Variants in SBF2 observed in about 807,000 individuals in gnomAD.
SBF2 encodes the protein SET binding factor 2, also known as myotubularin-related protein 13.
A neutral mutation model predicts 225.2 loss-of-function variants in SBF2; 112 were observed. The observed-to-expected ratio is 0.50, with a 90% CI of 0.43 to 0.58. The LOEUF is 0.58. SBF2 is among the 20% of genes least tolerant of loss of function. The pLI, the probability that SBF2 is intolerant of heterozygous loss-of-function variation, is 0.00. For synonymous variants in SBF2, 763 were observed against 773.3 expected, an observed-to-expected ratio of 0.99 and a Z score of 0.22; for missense variants, 1,996 against 2,206.2, an observed-to-expected ratio of 0.90 and a Z score of 1.91.
chr11:9,989,052 A>ATATATATATATATATATATATATG (rs1347138364), intron 13 of SBF2, among the ~76,000 whole-genome samples: 27 of 151,644 alleles, frequency 1.8e-4, no homozygotes, highest in African/African-American at 6.3e-4. Context: ...ATATATATAT[A>ATATATATATATATATATATATATG]TATACATATG....
chr11:9,944,809 C>A (rs1268919887), intron 16 of SBF2, among the ~76,000 whole-genome samples: 1 of 152,022 alleles, frequency 6.6e-6, no homozygotes, highest in Non-Finnish European at 1.5e-5. Context: ...AAAAATGACC[C>A]TAGAATTCAT....
At chr11:10,055,575 T>G in intron 2 of SBF2, among the ~76,000 whole-genome samples, 1 of 138,118 alleles carries the variant, frequency 7.2e-6, no homozygotes, top group African/African-American at 2.7e-5. Flanking sequence ...ACACACACCA[T>G]GGAATACTAC....
At chr11:9,877,391 A>G (rs543589672) in intron 17 of SBF2, among the ~76,000 whole-genome samples, 1 of 152,314 alleles carries the variant, frequency 6.6e-6, no homozygotes, top group East Asian at 1.9e-4. Context: ...CATTAATTAA[A>G]CCTAAATAAT....
chr11:10,237,789 A>G (rs1369360157), intron 1 of SBF2, among the ~76,000 whole-genome samples: 1 of 152,188 alleles, frequency 6.6e-6, no homozygotes, highest in African/African-American at 2.4e-5. Flanking sequence ...AGTACTCCAC[A>G]TTCCTAAACC....
intron 2 of SBF2, among the ~76,000 whole-genome samples, chr11:10,191,744 T>C (rs1462668264): frequency 6.6e-6 from 1 of 152,198 alleles, no homozygotes. Context: ...CACTTGAACA[T>C]GGCAGTGTCT....
At chr11:10,215,284 T>C (rs759129600) in intron 1 of SBF2, among the ~76,000 whole-genome samples, 2 of 152,182 alleles carry the variant, frequency 1.3e-5, no homozygotes, top group African/African-American at 2.4e-5. Context: ...AGAAGACTAT[T>C]AGGCACTCTC....
At chr11:10,255,575 C>G (rs1960797031) in intron 1 of SBF2, among the ~76,000 whole-genome samples, 1 of 152,200 alleles carries the variant, frequency 6.6e-6, no homozygotes, top group African/African-American at 2.4e-5. Context: ...TAGAGCAACA[C>G]TGAACACTAT....
chr11:10,227,578 A>C (rs1177277713), intron 1 of SBF2, among the ~76,000 whole-genome samples: 5 of 152,226 alleles, frequency 3.3e-5, no homozygotes, highest in Non-Finnish European at 5.9e-5. Flanking sequence ...TTAAATAGGG[A>C]ATCTGTTCCC....
Position 10,052,054 on chromosome 11 carries a change from G to A in SBF2, c.142-9073C>T, listed in dbSNP as rs369739476. Among the ~76,000 whole-genome samples, 14 of 152,152 alleles carry A rather than the reference G, an allele frequency of 9.2e-5. 1 individual carries two copies. The highest frequency in any genetic ancestry group is 3.4e-4 in the African/African-American group (14 of 41,522). On this transcript the variant is annotated intron_variant, in intron 2 of 39. Transcript: ENST00000256190. ...GGAATGTGAGGAAAATGTTTAGACA[G>A]CTGGAGAGTAGTCACTAAAAGATAG... is the stretch of plus-strand genomic sequence containing the variant.
chr11:10,239,387 G>C (rs1565390041), intron 1 of SBF2, among the ~76,000 whole-genome samples: 1 of 150,526 alleles, frequency 6.6e-6, no homozygotes. Flanking sequence ...TAATCCATGG[G>C]TTAAAAACTA....
At chr11:10,225,620 G>GA (rs927075252) in intron 1 of SBF2, among the ~76,000 whole-genome samples, 2 of 152,000 alleles carry the variant, frequency 1.3e-5, no homozygotes, top group African/African-American at 4.8e-5. Context: ...TTTTCAAAAA[G>GA]AAAAAAGTGC....
At chr11:10,277,936 G>A (rs536641412) in intron 1 of SBF2, among the ~76,000 whole-genome samples, 1 of 152,268 alleles carries the variant, frequency 6.6e-6, no homozygotes, top group Admixed American at 6.5e-5. Context: ...TTTAAATCAC[G>A]AGTTTGTAGT....
intron 2 of SBF2, among the ~76,000 whole-genome samples, chr11:10,051,574 T>G (rs994362729): frequency 7.9e-5 from 12 of 152,136 alleles, no homozygotes; most frequent in Admixed American, 3.3e-4. Context: ...GTTAAGATAG[T>G]TAACTAGACA....
intron 2 of SBF2, among the ~76,000 whole-genome samples, chr11:10,057,392 C>T (rs1463288949): frequency 2.6e-5 from 4 of 152,192 alleles, no homozygotes; most frequent in Admixed American, 2.6e-4. Flanking sequence ...CCCTAAGTAC[C>T]TTATCCACAC....
chr11:10,293,895 C>A, intron 1 of SBF2, 120 bp downstream of exon 1: 1 of 702,698 alleles, frequency 1.4e-6, no homozygotes, highest in Non-Finnish European at 2.0e-6. Flanking sequence ...ACCGCCCGCT[C>A]CTCCGAGACT....
At chr11:10,112,873 T>A (rs1054764160) in intron 2 of SBF2, among the ~76,000 whole-genome samples, 1 of 152,228 alleles carries the variant, frequency 6.6e-6, no homozygotes, top group African/African-American at 2.4e-5. Context: ...GCATTACATA[T>A]GTGTACTTAT....
intron 1 of SBF2, among the ~76,000 whole-genome samples, chr11:10,266,775 C>T (rs1202044327): frequency 6.6e-6 from 1 of 152,100 alleles, no homozygotes; most frequent in Non-Finnish European, 1.5e-5. Context: ...CCAAAGGAAA[C>T]GTAGTTGATT....
Position 9,832,091 on chromosome 11 carries a change from T to C in SBF2, c.3652+133A>G, listed in dbSNP as rs975381030. On this transcript the variant is annotated intron_variant, in intron 27 of 39. Coordinates refer to ENST00000256190, the MANE Select transcript of SBF2 (RefSeq NM_030962.4). Reference sequence around the variant, plus strand: ...TCTTGTTTAAGCTGTACATGTTGCATGTAGCAAAGTGGAAAAGTTTGTGTG... The same window carrying C: ...TCTTGTTTAAGCTGTACATGTTGCACGTAGCAAAGTGGAAAAGTTTGTGTG... 7.7e-5 allele frequency: 58 copies of C among 754,056 alleles called. No homozygotes were observed. The Admixed American group carries it at 1.1e-3, about 15-fold the overall frequency. The allele number at this position is 754,056 out of a possible 1,614,324, so 46.7% of individuals were successfully genotyped here. A position where few individuals can be genotyped will look rare whatever the true frequency, so the allele number is the denominator to read the frequency against.
At chr11:10,252,131 A>C (rs1960413167) in intron 1 of SBF2, among the ~76,000 whole-genome samples, 1 of 152,230 alleles carries the variant, frequency 6.6e-6, no homozygotes, top group African/African-American at 2.4e-5. Context: ...CAGCATAAGG[A>C]GGTACCCTCT....
Sources: gnomAD v4.1 joint callset for allele counts (sites outside exome capture counted in the v4.1 genomes callset) on GRCh38, gnomAD v4.1.1 for gene constraint, MANE v1.5 for transcripts, NCBI Gene and HGNC (gene_info 2026-07-23, HGNC 2026-07-21) for gene names.